SMOC2: variants seen among roughly 807,000 people sequenced by gnomAD.
SMOC2 encodes the protein SPARC-related modular calcium-binding protein 2.
A neutral mutation model predicts 61.4 loss-of-function variants in SMOC2; 39 were observed. The observed-to-expected ratio is 0.64, with a 90% CI of 0.49 to 0.83. The LOEUF is 0.83. Ranked by LOEUF, SMOC2 falls within the 40% of genes least tolerant of loss-of-function variation. The probability of loss-of-function intolerance (pLI) is 0.00; values close to 1 mark genes in which losing one functional copy is unlikely to be tolerated. For synonymous variants in SMOC2, 247 were observed against 239.9 expected, an observed-to-expected ratio of 1.03 and a Z score of -0.27; for missense variants, 556 against 592.9, an observed-to-expected ratio of 0.94 and a Z score of 0.65.
intron 9 of SMOC2, among the ~76,000 whole-genome samples, chr6:168,618,467 G>A (rs977813801): frequency 6.6e-6 from 1 of 151,036 alleles, no homozygotes; most frequent in African/African-American, 2.4e-5. Flanking sequence ...GAGAGTGGAG[G>A]AGAGGCGGGT....
In SMOC2 at chr6:168,603,242, CTTTT is replaced by C. The variant is rs35236951; in HGVS notation, c.824+4259_824+4262del. Among the ~76,000 whole-genome samples the C allele has an allele frequency of 6.4e-3, 616 of 96,354 alleles. 6 individuals are homozygous for C. The highest frequency in any genetic ancestry group is 0.038 in the Middle Eastern group (5 of 132). The allele number at this position is 96,354 out of a possible 152,430, so 63.2% of individuals were successfully genotyped here. On this transcript the variant is annotated intron_variant, in intron 8 of 12. Coordinates refer to ENST00000356284, the MANE Select transcript of SMOC2 (RefSeq NM_001166412.2). ...ATGCCAAACTGTGAGTCAATTAAACCTTTTTTTTTTTTTTTTTTTTTTTTAGAAA... is the reference window on the plus strand; with the variant it reads ...ATGCCAAACTGTGAGTCAATTAAACCTTTTTTTTTTTTTTTTTTTTAGAAA...
chr6:168,513,479 AT>A (rs1783057690), intron 2 of SMOC2, among the ~76,000 whole-genome samples: 1 of 5,512 alleles, frequency 1.8e-4, no homozygotes, highest in African/African-American at 2.9e-4. Flanking sequence ...ACACACACAC[AT>A]ACATACACAC....
intron 9 of SMOC2, among the ~76,000 whole-genome samples, chr6:168,645,307 A>G (rs973713023): frequency 1.6e-4 from 25 of 152,314 alleles, no homozygotes; most frequent in Admixed American, 7.8e-4. Context: ...CCTTGGGGAA[A>G]TGGCACAAAA....
At chr6:168,510,267 A>G (rs1005648652) in intron 2 of SMOC2, among the ~76,000 whole-genome samples, 181 bp downstream of exon 2, 1 of 152,156 alleles carries the variant, frequency 6.6e-6, no homozygotes, top group African/African-American at 2.4e-5. Context: ...GTCTTTTTTT[A>G]CTTGTCTAAT....
At chr6:168,495,949 G>C (rs1388581574) in intron 1 of SMOC2, among the ~76,000 whole-genome samples, 1 of 152,186 alleles carries the variant, frequency 6.6e-6, no homozygotes, top group East Asian at 1.9e-4. Flanking sequence ...AAAGCCTATG[G>C]GTGCCCTGCA....
At chr6:168,471,175 A>G (rs1213235413) in intron 1 of SMOC2, among the ~76,000 whole-genome samples, 2 of 152,248 alleles carry the variant, frequency 1.3e-5, no homozygotes, top group Non-Finnish European at 2.9e-5. Flanking sequence ...ACCGATATCC[A>G]GAACTTTTTC....
chr6:168,480,894 A>G (rs1782193426), intron 1 of SMOC2, among the ~76,000 whole-genome samples: 1 of 152,214 alleles, frequency 6.6e-6, no homozygotes, highest in Non-Finnish European at 1.5e-5. Context: ...TGGAGGCCAG[A>G]AAGCGGTGGG....
chr6:168,564,777 C>T (rs888438454), intron 7 of SMOC2, among the ~76,000 whole-genome samples: 10 of 152,204 alleles, frequency 6.6e-5, no homozygotes, highest in African/African-American at 9.6e-5. Context: ...GACGGGCAGC[C>T]GCTGCCACCC....
rs144939061 is a variant in SMOC2 at position 168,631,753 on chromosome 6, A to G, written c.908-18928A>G. ...GGTTGTGTTTTCCTATTTCCTCCTC[A>G]TGTTACATGTTTTCTAAGGAGGATG... On this transcript the variant is annotated intron_variant, in intron 9 of 12. Transcript: ENST00000356284. Among the ~76,000 whole-genome samples the G allele has an allele frequency of 5.7e-3, 873 of 152,090 alleles. 14 individuals carry two copies. Among genetic ancestry groups the G allele is most frequent in the African/African-American group, 0.02 (820 of 41,464 alleles).
chr6:168,591,734 G>A (rs1386219144), intron 7 of SMOC2, among the ~76,000 whole-genome samples: 6 of 150,426 alleles, frequency 4.0e-5, no homozygotes, highest in South Asian at 2.1e-4. Flanking sequence ...TTCTATTTGC[G>A]TCTTTTTCAG....
At chr6:168,607,750 C>T (rs888547523) in intron 8 of SMOC2, among the ~76,000 whole-genome samples, 11 of 152,224 alleles carry the variant, frequency 7.2e-5, no homozygotes, top group Admixed American at 7.2e-4. Flanking sequence ...TGCACACACT[C>T]CTGCTCTGAC....
intron 12 of SMOC2, chr6:168,664,750 G>A: frequency 2.1e-6 from 1 of 471,090 alleles, no homozygotes; most frequent in Non-Finnish European, 4.4e-6. Flanking sequence ...CAATGGTGGT[G>A]TCCTCCAGAC....
At chr6:168,495,003 C>T (rs148468511) in intron 1 of SMOC2, among the ~76,000 whole-genome samples, 120 of 152,344 alleles carry the variant, frequency 7.9e-4, no homozygotes, top group Middle Eastern at 3.4e-3. Flanking sequence ...CCTGCATCCT[C>T]CAGGCCCCGC....
At chr6:168,582,286 G>A (rs1363294641) in intron 7 of SMOC2, among the ~76,000 whole-genome samples, 9 of 152,120 alleles carry the variant, frequency 5.9e-5, no homozygotes, top group Admixed American at 5.2e-4. Context: ...TACAGCTCTG[G>A]AGTCTCAGGC....
chr6:168,471,532 C>G (rs953254972), intron 1 of SMOC2, among the ~76,000 whole-genome samples: 3 of 152,208 alleles, frequency 2.0e-5, no homozygotes, highest in African/African-American at 7.2e-5. Context: ...ATGAGTATCT[C>G]TTCAACACCT....
At chr6:168,530,659 A>T (rs1206007557) in intron 4 of SMOC2, among the ~76,000 whole-genome samples, 1 of 50,510 alleles carries the variant, frequency 2.0e-5, no homozygotes, top group African/African-American at 6.7e-5. Flanking sequence ...CCGCCCCCAC[A>T]CCCACTGCTC....
intron 1 of SMOC2, among the ~76,000 whole-genome samples, chr6:168,472,573 G>A (rs1430790097): frequency 1.3e-5 from 2 of 152,154 alleles, no homozygotes; most frequent in Admixed American, 6.5e-5. Context: ...TGAATTATGA[G>A]TGTGGCTGCT....
intron 7 of SMOC2, among the ~76,000 whole-genome samples, chr6:168,568,755 G>A (rs1308942614): frequency 6.6e-6 from 1 of 152,170 alleles, no homozygotes; most frequent in Non-Finnish European, 1.5e-5. Context: ...CTTCCAGAAT[G>A]TCAGAGAGTC....
chr6:168,546,251 GAAAAAAAAAAA>G (rs143673157), intron 5 of SMOC2, among the ~76,000 whole-genome samples: 72 of 66,462 alleles, frequency 1.1e-3, no homozygotes, highest in African/African-American at 3.3e-3. Context: ...AAGCTTCAGT[GAAAAAAAAAAA>G]AAAAAAAAAA....
Sources: allele counts gnomAD v4.1 joint callset (sites outside exome capture counted in the v4.1 genomes callset), GRCh38; gene constraint gnomAD v4.1.1; transcripts MANE v1.5; gene names NCBI Gene and HGNC (gene_info 2026-07-23, HGNC 2026-07-21).